LRRC58: variants seen among roughly 807,000 people sequenced by gnomAD.
LRRC58 encodes the protein leucine-rich repeat-containing protein 58.
Under a neutral mutation model 30.6 loss-of-function variants are expected in LRRC58, and 18 were observed. That is an observed-to-expected ratio of 0.59 (90% CI 0.41 to 0.87). The LOEUF is 0.87. LRRC58 is among the 40% of genes least tolerant of loss of function. The probability of loss-of-function intolerance (pLI) is 0.00; values close to 1 mark genes in which losing one functional copy is unlikely to be tolerated. For missense variants in LRRC58, 420 were observed against 468.4 expected, an observed-to-expected ratio of 0.90 and a Z score of 0.95; for synonymous variants, 221 against 206.0, an observed-to-expected ratio of 1.07 and a Z score of -0.62.
chr3:120,332,776 G>A (rs187837884), intron 3 of LRRC58, among the ~76,000 whole-genome samples: 2,048 of 151,572 alleles, frequency 0.014, 21 homozygotes, highest in Non-Finnish European at 0.021. Flanking sequence ...AAGAGACAGG[G>A]TTTCACTGTG....
Position 120,327,318 on chromosome 3 carries a change from C to T in LRRC58, c.*3882G>A, listed in dbSNP as rs1443365709. The T allele has an allele frequency of 7.5e-6, 1 of 133,594 alleles. No individual in the cohort carries two copies. The highest frequency in any genetic ancestry group is 1.5e-5 in the Non-Finnish European group (1 of 64,876). The allele number at this position is 133,594 out of a possible 1,614,324, so 8.3% of individuals were successfully genotyped here. On this transcript the variant is annotated 3_prime_UTR_variant, in exon 4 of 4. Coordinates refer to ENST00000295628, the MANE Select transcript of LRRC58 (RefSeq NM_001099678.2). The stretch of plus-strand genomic sequence containing the variant: ...CCAGGCGGGAGTGCAGTGGCGCAAT[C>T]TCGGCTCACTGCAAGCTCCGCCTCC...
chr3:120,340,075 G>A (rs947358415), intron 1 of LRRC58, among the ~76,000 whole-genome samples: 3 of 152,030 alleles, frequency 2.0e-5, no homozygotes, highest in African/African-American at 7.2e-5. Context: ...TGGCCAGGCT[G>A]GTCTCAAACT....
At chr3:120,336,943 T>C (rs1390528651) in intron 1 of LRRC58, among the ~76,000 whole-genome samples, 2 of 151,470 alleles carry the variant, frequency 1.3e-5, no homozygotes, top group Non-Finnish European at 2.9e-5. Flanking sequence ...ACTGTATTAC[T>C]TTTATCTTCC....
intron 2 of LRRC58, 65 bp downstream of exon 2, chr3:120,335,760 G>C (rs1390768066): frequency 1.6e-6 from 2 of 1,274,002 alleles, no homozygotes; most frequent in Non-Finnish European, 2.2e-6. Context: ...ACATGTGAGT[G>C]AATACAAGAC....
chr3:120,338,146 A>AT (rs901291847), intron 1 of LRRC58, among the ~76,000 whole-genome samples: 2 of 152,056 alleles, frequency 1.3e-5, no homozygotes, highest in Admixed American at 6.6e-5. Flanking sequence ...CCTGGCCTCT[A>AT]TTTTTTATTT....
intron 1 of LRRC58, among the ~76,000 whole-genome samples, chr3:120,341,231 T>C (rs1327933824): frequency 6.6e-6 from 1 of 152,072 alleles, no homozygotes; most frequent in Non-Finnish European, 1.5e-5. Context: ...GCTACTTGAA[T>C]AGAATAGAAC....
At chr3:120,339,690 A>G (rs1935879332) in intron 1 of LRRC58, among the ~76,000 whole-genome samples, 1 of 152,036 alleles carries the variant, frequency 6.6e-6, no homozygotes, top group Non-Finnish European at 1.5e-5. Flanking sequence ...CAATAGGAGT[A>G]AAGATTTTTT....
chr3:120,330,521 A>C lies in LRRC58; in HGVS notation c.*679T>G, dbSNP rs1935739815. 3 of 152,326 alleles carry C rather than the reference A, an allele frequency of 2.0e-5. No individual in the cohort carries two copies. The South Asian group carries it at 6.2e-4, about 32-fold the overall frequency. The allele number at this position is 152,326 out of a possible 1,614,324, so 9.4% of individuals were successfully genotyped here. ...CCTTGCTGGATTAAGGCACTATAACAGTCATTGCTAGATTACATAAGGTTA... is the reference window on the plus strand; with the variant it reads ...CCTTGCTGGATTAAGGCACTATAACCGTCATTGCTAGATTACATAAGGTTA... On this transcript the variant is annotated 3_prime_UTR_variant, in exon 4 of 4. Transcript: ENST00000295628.
Position 120,348,831 on chromosome 3 carries a change from G to T in LRRC58, c.413C>A (p.Ser138Ter). 1 of 1,606,218 alleles carries T rather than the reference G, an allele frequency of 6.2e-7. No homozygotes were observed. Among genetic ancestry groups the T allele is most frequent in the Non-Finnish European group, 8.5e-7 (1 of 1,177,086 alleles). ...SGNCFQEVPA[S>*]LLELRALQTL... ...CTGCAGCGCGCGCAGCTCTAAGAGC[G>T]AGGCAGGCACCTCCTGGAAACAGTT... is the stretch of plus-strand genomic sequence containing the variant. Residue 138 changes from serine (S) to a stop codon, truncating the protein, a stop_gained, in exon 1 of 4, where the codon TCG (serine) becomes TAG (stop). Coordinates refer to ENST00000295628, the MANE Select transcript of LRRC58 (RefSeq NM_001099678.2). LOFTEE classifies it high-confidence loss of function.
In LRRC58 at chr3:120,325,752, G is replaced by A. The variant is rs769688132; in HGVS notation, c.*5448C>T. 17 of 152,312 alleles carry A rather than the reference G, an allele frequency of 1.1e-4. No individual in the cohort carries two copies. The highest frequency in any genetic ancestry group is 2.1e-4 in the South Asian group (1 of 4,820). The allele number at this position is 152,312 out of a possible 1,614,324, so 9.4% of individuals were successfully genotyped here. On this transcript the variant is annotated 3_prime_UTR_variant, in exon 4 of 4. Coordinates refer to ENST00000295628, the MANE Select transcript of LRRC58 (RefSeq NM_001099678.2). ...AAGCCTTACAATATCTTCATAAGAT[G>A]CTATAAATATGAAGTTGGTTAGAAA...
At chr3:120,334,780 G>A in intron 3 of LRRC58, 82 bp downstream of exon 3, 1 of 1,237,822 alleles carries the variant, frequency 8.1e-7, no homozygotes, top group Non-Finnish European at 1.1e-6. Flanking sequence ...CAGAAACAGA[G>A]ACTGCTTTTG....
chr3:120,331,987 T>C (rs771492685), intron 3 of LRRC58, among the ~76,000 whole-genome samples: 6 of 152,204 alleles, frequency 3.9e-5, no homozygotes, highest in Non-Finnish European at 4.4e-5. Flanking sequence ...TCTCATACAA[T>C]TACACATCGT....
At chr3:120,347,843 C>T (rs1241353658) in intron 1 of LRRC58, among the ~76,000 whole-genome samples, 1 of 152,100 alleles carries the variant, frequency 6.6e-6, no homozygotes, top group East Asian at 1.9e-4. Context: ...GGCTCTATTT[C>T]CCACTCCCCC....
At position 120,340,787 on chromosome 3, in the gene LRRC58, C is replaced by T. The variant is rs542255177; in HGVS notation, c.501-4834G>A. Among the ~76,000 whole-genome samples, 11 of 152,244 alleles carry T rather than the reference C, an allele frequency of 7.2e-5. No individual in the cohort carries two copies. The East Asian group carries it at 1.5e-3, about 21-fold the overall frequency. On this transcript the variant is annotated intron_variant, in intron 1 of 3. Coordinates refer to ENST00000295628, the MANE Select transcript of LRRC58 (RefSeq NM_001099678.2). ...TGGCAGGCACCTGTAATCCCAGCTA[C>T]TCAGGAGGCTAAGGCAGGAGAATTG...
At chr3:120,336,063 C>A in intron 1 of LRRC58, 110 bp from the exon 2 acceptor site, 1 of 792,020 alleles carries the variant, frequency 1.3e-6, no homozygotes, top group Non-Finnish European at 2.0e-6. Flanking sequence ...AAATGTTTTA[C>A]TTAAGATTTG....
chr3:120,339,765 C>T (rs1250023531), intron 1 of LRRC58, among the ~76,000 whole-genome samples: 1 of 152,038 alleles, frequency 6.6e-6, no homozygotes, highest in African/African-American at 2.4e-5. Flanking sequence ...TAGAGAGCTC[C>T]CTTTCTTTAA....
rs1052506701 is a variant in LRRC58 at position 120,342,830 on chromosome 3, T to A, written c.500+5914A>T. On this transcript the variant is annotated intron_variant, in intron 1 of 3. Transcript: ENST00000295628. Reference sequence around the variant, plus strand: ...TGAGGCCACAGTGAGAAGACTGCAGTCTATGAACCAGGAAGAAAGCCCTCA... The same window carrying A: ...TGAGGCCACAGTGAGAAGACTGCAGACTATGAACCAGGAAGAAAGCCCTCA... Among the ~76,000 whole-genome samples, 79 of 152,070 alleles carry A rather than the reference T, an allele frequency of 5.2e-4. 3 individuals carry two copies.
chr3:120,339,603 C>T (rs540127939), intron 1 of LRRC58, among the ~76,000 whole-genome samples: 19 of 152,260 alleles, frequency 1.2e-4, no homozygotes, highest in African/African-American at 3.1e-4. Context: ...CTTGGCACTA[C>T]GAAGATGCTG....
chr3:120,345,020 T>C (rs1193316830), intron 1 of LRRC58, among the ~76,000 whole-genome samples: 1 of 152,098 alleles, frequency 6.6e-6, no homozygotes, highest in Admixed American at 6.5e-5. Context: ...GATAACCTAA[T>C]TTACTCGAGG....
Sources: gnomAD v4.1 joint callset for allele counts (sites outside exome capture counted in the v4.1 genomes callset) on GRCh38, gnomAD v4.1.1 for gene constraint, MANE v1.5 for transcripts, NCBI Gene and HGNC (gene_info 2026-07-23, HGNC 2026-07-21) for gene names.